AGO4: variants seen among roughly 807,000 people sequenced by gnomAD.
AGO4 encodes the protein argonaute RISC component 4, also known as protein argonaute-4.
In AGO4, 33 loss-of-function variants were observed where a neutral mutation model predicts 104.7. That is an observed-to-expected ratio of 0.32 (90% confidence interval 0.24 to 0.42). The LOEUF is 0.42. Among genes scored for constraint, AGO4 ranks in the 10% least tolerant of loss-of-function variants. The pLI is 1.00. For synonymous variants in AGO4, 331 were observed against 364.7 expected (o/e 0.91, Z 1.05); for missense variants, 711 against 1,083.4 (o/e 0.66, Z 4.83).
chr1:35,839,706 G>C (rs1644394166), intron 13 of AGO4, among the ~76,000 whole-genome samples: 1 of 152,104 alleles, frequency 6.6e-6, no homozygotes, highest in African/African-American at 2.4e-5. Flanking sequence ...ATGATACAGA[G>C]AGATAAATGG....
chr1:35,818,000 G>A (rs768432219), intron 2 of AGO4, among the ~76,000 whole-genome samples: 11 of 152,164 alleles, frequency 7.2e-5, no homozygotes, highest in East Asian at 3.9e-4. Context: ...TTTGAGGAGC[G>A]TATATTCTAA....
chr1:35,827,532 G>T (rs926237339), intron 7 of AGO4, among the ~76,000 whole-genome samples: 49 of 152,116 alleles, frequency 3.2e-4, no homozygotes, highest in African/African-American at 1.2e-3. Context: ...AAGAAAAAAA[G>T]AAAGAAATTG....
intron 1 of AGO4, among the ~76,000 whole-genome samples, chr1:35,814,089 G>A (rs1458401113): frequency 6.8e-6 from 1 of 147,502 alleles, no homozygotes; most frequent in Non-Finnish European, 1.5e-5. Flanking sequence ...AAAAAAAAGA[G>A]AGAGAAAGAG....
At chr1:35,817,586 A>G (rs562356493) in intron 2 of AGO4, among the ~76,000 whole-genome samples, 2 of 152,316 alleles carry the variant, frequency 1.3e-5, no homozygotes, top group South Asian at 2.1e-4. Context: ...TGGTCTGTAT[A>G]GCAGGAATTT....
At chr1:35,821,231 G>A (rs984975427) in intron 2 of AGO4, among the ~76,000 whole-genome samples, 1 of 152,156 alleles carries the variant, frequency 6.6e-6, no homozygotes, top group Non-Finnish European at 1.5e-5. Context: ...GTATGAAAAC[G>A]TATAGTTCTT....
intron 2 of AGO4, among the ~76,000 whole-genome samples, chr1:35,819,158 A>G (rs996730508): frequency 2.6e-5 from 4 of 152,194 alleles, no homozygotes; most frequent in African/African-American, 4.8e-5. Context: ...GTCATGATCA[A>G]TTCCAGGGTT....
chr1:35,855,922 C>T lies in AGO4; in HGVS notation c.*2317C>T, dbSNP rs1223982294. The T allele has an allele frequency of 6.6e-6, 1 of 152,200 alleles. No homozygotes were observed. Among genetic ancestry groups the T allele is most frequent in the Non-Finnish European group, 1.5e-5 (1 of 68,056 alleles). 9.4% of individuals were successfully genotyped at this position (152,200 alleles called of 1,614,324 possible). A position where few individuals can be genotyped will look rare whatever the true frequency, so the allele number is the denominator to read the frequency against. Reference sequence around the variant, plus strand: ...GCACCACACCTGCACTTGAGTGCCTCGGGCTTGCTTATTAATAACGCACAG... The same window carrying T: ...GCACCACACCTGCACTTGAGTGCCTTGGGCTTGCTTATTAATAACGCACAG... On this transcript the variant is annotated 3_prime_UTR_variant, in exon 18 of 18. Transcript: ENST00000373210.
rs1157124804 is a variant in AGO4 at position 35,850,247 on chromosome 1, G to T, written c.2266G>T (p.Ala756Ser). 6 of 1,613,102 alleles carry T rather than the reference G, an allele frequency of 3.7e-6. No homozygotes were observed. Among genetic ancestry groups the T allele is most frequent in the South Asian group, 1.1e-5 (1 of 91,058 alleles). ...GTTTGACTTTTACCTCTGTAGTCAT[G>T]CAGGAATTCAGGTAATTTGGAAGCT... ...SEFDFYLCSH[A>S]GIQGTSRPSH... The change falls in exon 16 of 18, where the codon GCA becomes TCA. Residue 756 changes from alanine (A) to serine (S), a missense_variant. By Grantham distance (99) the Ala-to-Ser change is moderately conservative (BLOSUM62 1). Coordinates refer to ENST00000373210, the MANE Select transcript of AGO4 (RefSeq NM_017629.4).
intron 1 of AGO4, among the ~76,000 whole-genome samples, chr1:35,813,915 A>T (rs1008032470): frequency 1.3e-5 from 2 of 151,932 alleles, no homozygotes; most frequent in Admixed American, 6.6e-5. Context: ...CTCTACTAAA[A>T]ATACAAAAAA....
rs771728028 is a variant in AGO4, at chr1:35,823,002, A to T, written c.306+20A>T. The T allele has an allele frequency of 1.2e-6, 2 of 1,609,914 alleles. No homozygotes were observed. The highest frequency in any genetic ancestry group is 2.2e-5 in the South Asian group (2 of 90,716). Reference sequence around the variant, plus strand: ...GATAGGGTAAGTGTTAAGAGCAAGAAATACTTAGTTCATTTAGTAGTAATT... The same window carrying T: ...GATAGGGTAAGTGTTAAGAGCAAGATATACTTAGTTCATTTAGTAGTAATT... On this transcript the variant is annotated intron_variant, in intron 3 of 17. Transcript: ENST00000373210.
Position 35,841,522 on chromosome 1 carries a change from T to C in AGO4, c.2040+42T>C, listed in dbSNP as rs770354048. 12 of 1,608,018 alleles carry C rather than the reference T, an allele frequency of 7.5e-6. No individual in the cohort carries two copies. Among genetic ancestry groups the C allele is most frequent in the African/African-American group, 2.7e-5 (2 of 74,596 alleles). On this transcript the variant is annotated intron_variant, in intron 14 of 17. Transcript: ENST00000373210. This position sits in a 1 kb window ranked among gnomAD's most constrained non-coding sequence, Gnocchi z 4.7. ...TGTTGCCCTTCGGGGCCCCTAGGAG[T>C]CTGAGGGAGATTCCTCTCATCTACC...
At chr1:35,835,807 G>A (rs1045087649) in intron 12 of AGO4, 27 bp from the exon 13 acceptor site, 47 of 1,556,938 alleles carry the variant, frequency 3.0e-5, no homozygotes, top group Non-Finnish European at 4.0e-5. Context: ...ATTTAAACAT[G>A]TTAAAATTAA....
intron 15 of AGO4, among the ~76,000 whole-genome samples, chr1:35,845,248 A>T (rs1172902623): frequency 8.6e-5 from 9 of 105,246 alleles, no homozygotes; most frequent in Admixed American, 2.3e-4. Context: ...TTTTTTTTTT[A>T]AGATAGAGTT....
chr1:35,809,051 T>C (rs909863284), intron 1 of AGO4, among the ~76,000 whole-genome samples: 2 of 152,214 alleles, frequency 1.3e-5, no homozygotes, highest in Non-Finnish European at 2.9e-5. Context: ...CTCAGAGTGG[T>C]CTGAGCCAGC....
In AGO4 at chr1:35,852,467, C is replaced by T. The variant is rs1163238843; in HGVS notation, c.2478-1030C>T. On this transcript the variant is annotated intron_variant, in intron 17 of 17. Transcript: ENST00000373210. ...AAAGTTCAGAGGAGTTATTATGTGTCCAAGGTTATATAGTTAGTGAAGGGA... is the reference window on the plus strand; with the variant it reads ...AAAGTTCAGAGGAGTTATTATGTGTTCAAGGTTATATAGTTAGTGAAGGGA... Among the ~76,000 whole-genome samples the T allele has an allele frequency of 3.9e-5, 6 of 152,098 alleles. No individual in the cohort carries two copies. In the East Asian group the frequency reaches 1.2e-3, roughly 29 times the overall value.
At chr1:35,850,321 A>G (rs1177981042) in intron 16 of AGO4, 63 bp downstream of exon 16, 1 of 1,216,602 alleles carries the variant, frequency 8.2e-7, no homozygotes, top group South Asian at 1.2e-5. Context: ...TTCAGCAACT[A>G]GCTTGAGTCG....
At chr1:35,818,218 A>G (rs1041985247) in intron 2 of AGO4, among the ~76,000 whole-genome samples, 4 of 151,986 alleles carry the variant, frequency 2.6e-5, no homozygotes, top group Non-Finnish European at 5.9e-5. Context: ...ATATGTATAT[A>G]CGTATGCAAA....
At chr1:35,815,225 G>A (rs1243814655) in intron 1 of AGO4, among the ~76,000 whole-genome samples, 5 of 152,130 alleles carry the variant, frequency 3.3e-5, no homozygotes, top group African/African-American at 1.2e-4. Context: ...TGAAGTCTTT[G>A]TTCTCAGTGA....
intron 2 of AGO4, among the ~76,000 whole-genome samples, chr1:35,821,199 G>A (rs1457955005): frequency 6.6e-6 from 1 of 152,168 alleles, no homozygotes; most frequent in East Asian, 1.9e-4. Flanking sequence ...AAGAATGTAA[G>A]ATGAGAAATT....
Sources: gnomAD v4.1 joint callset for allele counts (sites outside exome capture counted in the v4.1 genomes callset) on GRCh38, gnomAD v4.1.1 for gene constraint, Gnocchi (gnomAD v3.1) non-coding constraint, MANE v1.5 for transcripts, NCBI Gene and HGNC (gene_info 2026-07-23, HGNC 2026-07-21) for gene names.